SDK2: variants seen among roughly 807,000 people sequenced by gnomAD.
The protein encoded by SDK2 is sidekick cell adhesion molecule 2.
Under a neutral mutation model 253.9 loss-of-function variants are expected in SDK2, and 105 were observed. The observed-to-expected ratio is 0.41, with a 90% CI of 0.35 to 0.49. SDK2 has a LOEUF of 0.49. Among genes scored for constraint, SDK2 ranks in the 20% least tolerant of loss-of-function variants. The pLI is 0.06. For missense variants in SDK2, 2,608 were observed against 3,003.0 expected (o/e 0.87, Z 3.07); for synonymous variants, 1,249 against 1,234.9 (o/e 1.01, Z -0.24).
In SDK2 at chr17:73,438,107, A is replaced by G. The variant is rs747230184; in HGVS notation, c.773T>C (p.Leu258Pro). 1.3e-6 allele frequency: 2 copies of G among 1,551,590 alleles called. No homozygotes were observed. The highest frequency in any genetic ancestry group is 1.7e-6 in the Non-Finnish European group (2 of 1,147,018). The change falls in exon 7 of 45, where the codon CTG becomes CCG. Residue 258 changes from leucine (L) to proline (P), a missense_variant. By Grantham distance (98) the Leu-to-Pro change is moderately conservative. Around this residue, in one of 2 missense-constraint regions of SDK2, gnomAD observed 1,505 missense variants for 1,859.1 expected, o/e 0.81. Transcript: ENST00000392650. ...HIIWKKDGVL[L>P]SGGISDHNRR... Reference sequence around the variant, plus strand: ...GTTGTGGTCACTGATGCCGCCCGACAGCAATACCCCGTCCTTCTTCCAAAT... The same window carrying G: ...GTTGTGGTCACTGATGCCGCCCGACGGCAATACCCCGTCCTTCTTCCAAAT...
intron 37 of SDK2, 136 bp from the exon 38 acceptor site, chr17:73,365,531 C>T (rs545707719): frequency 5.7e-5 from 48 of 841,406 alleles, no homozygotes; most frequent in Admixed American, 2.1e-4. Flanking sequence ...GCAGAAAGGG[C>T]GGGCAGGAGG....
chr17:73,462,202 T>A (rs1332301787), intron 3 of SDK2, among the ~76,000 whole-genome samples: 2 of 152,104 alleles, frequency 1.3e-5, no homozygotes, highest in Admixed American at 6.5e-5. Context: ...GTTGTATGTA[T>A]GTACAAGTGT....
At chr17:73,637,705 T>C (rs1328110191) in intron 1 of SDK2, among the ~76,000 whole-genome samples, 1 of 152,244 alleles carries the variant, frequency 6.6e-6, no homozygotes, top group Non-Finnish European at 1.5e-5. Flanking sequence ...AAGATCTTCC[T>C]CTCCCTTTTC....
chr17:73,600,725 G>C (rs1000287622), intron 1 of SDK2, among the ~76,000 whole-genome samples: 3 of 152,192 alleles, frequency 2.0e-5, no homozygotes, highest in Admixed American at 6.5e-5. Flanking sequence ...CCCATCAAGA[G>C]GCATTTATTG....
At chr17:73,608,459 T>G (rs1650491509) in intron 1 of SDK2, among the ~76,000 whole-genome samples, 1 of 152,152 alleles carries the variant, frequency 6.6e-6, no homozygotes, top group Non-Finnish European at 1.5e-5. Context: ...CCTTTTATTT[T>G]GAGAGGGAGT....
chr17:73,604,661 G>A (rs1427829751), intron 1 of SDK2, among the ~76,000 whole-genome samples: 6 of 152,200 alleles, frequency 3.9e-5, no homozygotes, highest in Admixed American at 1.3e-4. Context: ...GGGGTGTGGA[G>A]AGAGAAAGGA....
intron 2 of SDK2, among the ~76,000 whole-genome samples, chr17:73,488,838 G>T (rs2063785773): frequency 6.6e-6 from 1 of 151,944 alleles, no homozygotes; most frequent in African/African-American, 2.4e-5. Context: ...GCGTGTTGCT[G>T]CCCCCACTCC....
At chr17:73,343,922 T>A (rs2062460877) in intron 44 of SDK2, among the ~76,000 whole-genome samples, 1 of 152,106 alleles carries the variant, frequency 6.6e-6, no homozygotes. Flanking sequence ...CGTGGGAGAC[T>A]GGAAGCAGGA....
At chr17:73,425,203 C>G (rs971133645) in intron 12 of SDK2, among the ~76,000 whole-genome samples, 14 of 151,910 alleles carry the variant, frequency 9.2e-5, no homozygotes, top group Admixed American at 1.3e-4. Flanking sequence ...CTGGGCGACA[C>G]AGCAAAACTC....
intron 30 of SDK2, among the ~76,000 whole-genome samples, chr17:73,387,589 G>C (rs181034974): frequency 9.8e-5 from 15 of 152,300 alleles, no homozygotes; most frequent in African/African-American, 3.6e-4. Context: ...GGACTTCTAG[G>C]CTCCAGAAAT....
intron 6 of SDK2, among the ~76,000 whole-genome samples, chr17:73,439,863 C>T (rs912287010): frequency 3.3e-5 from 5 of 152,182 alleles, no homozygotes; most frequent in Admixed American, 6.5e-5. Flanking sequence ...TGACGTTGGG[C>T]AGGCCACTTG....
At chr17:73,402,880 C>A (rs556864609) in intron 18 of SDK2, among the ~76,000 whole-genome samples, 2 of 152,142 alleles carry the variant, frequency 1.3e-5, no homozygotes, top group East Asian at 3.8e-4. Flanking sequence ...TCACTGCAAC[C>A]TCTGCCTCCC....
rs374363485 is a variant in SDK2, at chr17:73,390,318, G to A, written c.4161C>T (p.Ala1387=). Residue 1387 remains alanine, a synonymous_variant, in exon 29 of 45, where the codon GCC becomes GCT. Coordinates refer to ENST00000392650, the MANE Select transcript of SDK2 (RefSeq NM_001144952.2). ...TCTCGGTGGTCACCACCAAGGCCTC[G>A]GCAGCTTCTCCCCAGCCCTTGCGGG... ...AQTRKGWGEA[A]EALVVTTEKR... 2.6e-5 allele frequency: 40 copies of A among 1,515,554 alleles called. No individual in the cohort carries two copies. Among genetic ancestry groups the A allele is most frequent in the African/African-American group, 1.9e-4 (12 of 64,674 alleles). The allele number at this position is 1,515,554 out of a possible 1,614,324, so 93.9% of individuals were successfully genotyped here.
In SDK2 at chr17:73,435,610, G is replaced by A. The variant is rs537705582; in HGVS notation, c.1035C>T (p.Asp345=). Residue 345 remains aspartate (D), a synonymous_variant, in exon 9 of 45, where the codon GAC becomes GAT. Coordinates refer to ENST00000392650, the MANE Select transcript of SDK2 (RefSeq NM_001144952.2). The surrounding 1 kb of genome is among the most constrained non-coding windows in gnomAD (Gnocchi z 5.7). ...VPPPSITWYK[D]AAVVEVEKLT... ...ACTTCTCCACCTCCACCACGGCTGC[G>A]TCCTTGTACCAGGTGATGGAGGGCG... is the stretch of plus-strand genomic sequence containing the variant. The A allele has an allele frequency of 4.2e-5, 66 of 1,574,600 alleles. 1 individual carries two copies. In the South Asian group the frequency reaches 5.9e-4, roughly 14 times the overall value.
Position 73,616,551 on chromosome 17 carries a change from T to C in SDK2, c.64+27474A>G, listed in dbSNP as rs2046060509. ...TCGTTCTCCTGGCTGAATTACCACG[T>C]GGCAGCAGATCCTTTTTCTGGAGTA... On this transcript the variant is annotated intron_variant, in intron 1 of 44. Transcript: ENST00000392650. The surrounding 1 kb of genome is among the most constrained non-coding windows in gnomAD (Gnocchi z 5.2). Among the ~76,000 whole-genome samples, 1 of 152,214 alleles carries C rather than the reference T, an allele frequency of 6.6e-6. No individual in the cohort carries two copies. The highest frequency in any genetic ancestry group is 2.4e-5 in the African/African-American group (1 of 41,450).
At chr17:73,607,314 C>T (rs923029814) in intron 1 of SDK2, among the ~76,000 whole-genome samples, 1 of 152,182 alleles carries the variant, frequency 6.6e-6, no homozygotes, top group African/African-American at 2.4e-5. Context: ...TCAACCAGTG[C>T]GATTGGCACA....
rs539989751 is a variant in SDK2, at chr17:73,390,391, G to T, written c.4088C>A (p.Thr1363Lys). ...GTAGACAGACTCTGGCTTGAGGCCC[G>T]TGGCTGTGTACTGCCGGGCGCTGGG... ...LAPSARQYTA[T>K]GLKPESVYLF... is the part of the protein sequence containing the mutation. Residue 1363 changes from threonine to lysine, a missense_variant, in exon 29 of 45, where the codon ACG (threonine) becomes AAG (lysine). Physicochemically the swap from Thr to Lys is moderately conservative, Grantham distance 78. Coordinates refer to ENST00000392650, the MANE Select transcript of SDK2 (RefSeq NM_001144952.2). 6.2e-7 allele frequency: 1 copy of T among 1,612,712 alleles called. No homozygotes were observed. The highest frequency in any genetic ancestry group is 1.1e-5 in the South Asian group (1 of 90,892).
intron 1 of SDK2, among the ~76,000 whole-genome samples, chr17:73,638,925 T>C (rs1340639619): frequency 6.6e-6 from 1 of 150,956 alleles, no homozygotes; most frequent in East Asian, 2.0e-4. Context: ...TTCTCCTGCC[T>C]CAGTCTCCCA....
At position 73,358,202 on chromosome 17, in the gene SDK2, C is replaced by A. The variant is rs757365277; in HGVS notation, c.5470G>T (p.Ala1824Ser). 9 of 1,599,192 alleles carry A rather than the reference C, an allele frequency of 5.6e-6. No individual in the cohort carries two copies. Among genetic ancestry groups the A allele is most frequent in the Non-Finnish European group, 7.7e-6 (9 of 1,175,874 alleles). The change falls in exon 40 of 45, where the codon GCC becomes TCC. Residue 1824 changes from alanine to serine, a missense_variant and splice_region_variant. Coordinates refer to ENST00000392650, the MANE Select transcript of SDK2 (RefSeq NM_001144952.2). ...ATGGGCACGCCAGGCGGTCCTGGGG[C>A]ACCTGCAGACAGCACACAGAGGCGA... Reference protein sequence around the residue: ...ANVTTGPGEGAPGPPGVPIIV... With the variant: ...ANVTTGPGEGSPGPPGVPIIV...
Sources: gnomAD v4.1 joint callset for allele counts (sites outside exome capture counted in the v4.1 genomes callset) on GRCh38, gnomAD v4.1.1 for gene constraint, gnomAD v4.1.1 regional missense constraint, Gnocchi (gnomAD v3.1) non-coding constraint, MANE v1.5 for transcripts, NCBI Gene and HGNC (gene_info 2026-07-23, HGNC 2026-07-21) for gene names.